The following WDPCP variants were observed in gnomAD, a reference collection of about 807,000 sequenced individuals.
WDPCP encodes WD repeat-containing and planar cell polarity effector protein fritz homolog.
A neutral mutation model predicts 93.1 loss-of-function variants in WDPCP; 71 were observed. That is an observed-to-expected ratio of 0.76 (90% confidence interval 0.63 to 0.93). WDPCP has a LOEUF of 0.93. Among genes scored for constraint, WDPCP ranks in the 40% least tolerant of loss-of-function variants. The pLI is 0.00. For missense variants in WDPCP, 844 were observed against 887.4 expected, an observed-to-expected ratio of 0.95 and a Z score of 0.62; for synonymous variants, 315 against 315.0, an observed-to-expected ratio of 1.00 and a Z score of 0.00.
intron 15 of WDPCP, among the ~76,000 whole-genome samples, chr2:63,174,020 AC>A (rs905008255): frequency 6.6e-6 from 1 of 152,124 alleles, no homozygotes; most frequent in African/African-American, 2.4e-5. Flanking sequence ...GTCTGTGGCC[AC>A]TTTTTTACTG....
chr2:63,204,777 G>T (rs1036220518), intron 14 of WDPCP, among the ~76,000 whole-genome samples: 1 of 151,860 alleles, frequency 6.6e-6, no homozygotes, highest in Non-Finnish European at 1.5e-5. Context: ...GGTAGTTTGC[G>T]GTATTTTCCC....
At chr2:63,715,127 T>C (rs1012878060) in intron 2 of WDPCP, among the ~76,000 whole-genome samples, 6 of 152,328 alleles carry the variant, frequency 3.9e-5, no homozygotes, top group African/African-American at 1.2e-4. Context: ...AGAAAGCAGA[T>C]AGATGGTTTC....
At chr2:63,555,381 T>A (rs918702057) in intron 1 of WDPCP, among the ~76,000 whole-genome samples, 3 of 142,266 alleles carry the variant, frequency 2.1e-5, no homozygotes, top group African/African-American at 8.1e-5. Context: ...GCAGCCATGA[T>A]CTCCGTAGAT....
Position 63,416,670 on chromosome 2 carries a change from C to T in WDPCP, c.826-12013G>A, listed in dbSNP as rs572243844. ...TCCCGAGTAGCTGGGATTACAGGTC[C>T]CCGCCACCACGTCCAGCTAATTTTT... is the stretch of plus-strand genomic sequence containing the variant. On this transcript the variant is annotated intron_variant, in intron 9 of 17. Coordinates refer to ENST00000272321, the MANE Select transcript of WDPCP (RefSeq NM_015910.7). Among the ~76,000 whole-genome samples, 16 of 151,974 alleles carry T rather than the reference C, an allele frequency of 1.1e-4. 1 individual carries two copies. In the South Asian group the frequency reaches 3.1e-3, roughly 30 times the overall value.
At chr2:63,259,437 T>C in intron 13 of WDPCP, 28 bp from the exon 14 acceptor site, 1 of 1,561,850 alleles carries the variant, frequency 6.4e-7, no homozygotes, top group South Asian at 1.1e-5. Flanking sequence ...AATAAAAGAT[T>C]GATTCAAAAT....
intron 4 of WDPCP, 82 bp from the exon 5 acceptor site, chr2:63,485,069 T>A: frequency 6.8e-7 from 1 of 1,477,136 alleles, no homozygotes; most frequent in Non-Finnish European, 9.4e-7. Context: ...TTAGGGAGAT[T>A]AAAATAAAAC....
chr2:63,198,470 A>G (rs1675631943), intron 14 of WDPCP, among the ~76,000 whole-genome samples: 2 of 152,182 alleles, frequency 1.3e-5, no homozygotes, highest in African/African-American at 4.8e-5. Flanking sequence ...TTATATGCAT[A>G]ATGTTAAATT....
At chr2:63,773,639 G>T (rs1191686189) in intron 2 of WDPCP, among the ~76,000 whole-genome samples, 2 of 152,004 alleles carry the variant, frequency 1.3e-5, no homozygotes, top group African/African-American at 4.8e-5. Flanking sequence ...AGATACTAAA[G>T]AAGAAATCTT....
intron 17 of WDPCP, among the ~76,000 whole-genome samples, chr2:63,123,283 T>A (rs1052142917): frequency 2.0e-5 from 3 of 152,148 alleles, no homozygotes; most frequent in Admixed American, 6.5e-5. Context: ...GAGTTAGGTT[T>A]TGGCCTTGTT....
At chr2:63,739,544 G>A (rs1271472894) in intron 2 of WDPCP, among the ~76,000 whole-genome samples, 2 of 152,116 alleles carry the variant, frequency 1.3e-5, no homozygotes, top group Non-Finnish European at 2.9e-5. Context: ...TATGTACCCA[G>A]TAATGGGATT....
At chr2:63,545,422 A>C (rs1705078762) in intron 1 of WDPCP, among the ~76,000 whole-genome samples, 1 of 152,006 alleles carries the variant, frequency 6.6e-6, no homozygotes. Context: ...GAGGGCTTCA[A>C]TCCAAATTGA....
chr2:63,680,895 A>G (rs973827617), intron 2 of WDPCP, among the ~76,000 whole-genome samples: 4 of 152,052 alleles, frequency 2.6e-5, no homozygotes, highest in African/African-American at 9.7e-5. Context: ...AGAGGCACCC[A>G]TTCCAGGCCC....
intron 3 of WDPCP, among the ~76,000 whole-genome samples, chr2:63,648,255 T>C (rs962774358): frequency 6.6e-6 from 1 of 152,176 alleles, no homozygotes; most frequent in African/African-American, 2.4e-5. Flanking sequence ...CTCCTCACTA[T>C]CTAGCCACTC....
At chr2:63,472,623 C>G (rs936367772) in intron 6 of WDPCP, among the ~76,000 whole-genome samples, 2 of 152,094 alleles carry the variant, frequency 1.3e-5, no homozygotes, top group Non-Finnish European at 2.9e-5. Flanking sequence ...GAGTCTCACT[C>G]TGTCTCCCAG....
At chr2:63,651,454 A>AACACACACACACACACAC (rs140128523) in intron 2 of WDPCP, among the ~76,000 whole-genome samples, 8 of 147,678 alleles carry the variant, frequency 5.4e-5, no homozygotes, top group African/African-American at 2.1e-4. Flanking sequence ...ATGTGTGTAC[A>AACACACACACACACACAC]ACACACACAC....
intron 15 of WDPCP, among the ~76,000 whole-genome samples, chr2:63,172,437 G>A (rs1029332464): frequency 1.3e-5 from 2 of 152,122 alleles, no homozygotes; most frequent in Non-Finnish European, 2.9e-5. Context: ...GAGCCTGGGA[G>A]GTCAAGGCTG....
At chr2:63,437,357 C>A in intron 8 of WDPCP, 64 bp downstream of exon 8, 1 of 1,284,052 alleles carries the variant, frequency 7.8e-7, no homozygotes, top group Non-Finnish European at 1.1e-6. Context: ...AGAATACCAA[C>A]TTATGTGATA....
chr2:63,825,494 G>A (rs765693504), intron 1 of WDPCP, among the ~76,000 whole-genome samples: 2 of 151,988 alleles, frequency 1.3e-5, no homozygotes, highest in African/African-American at 2.4e-5. Flanking sequence ...AAGAGTTCTA[G>A]GGATCAGCTG....
intron 1 of WDPCP, among the ~76,000 whole-genome samples, chr2:63,578,602 T>C (rs1708274296): frequency 6.6e-6 from 1 of 151,978 alleles, no homozygotes; most frequent in South Asian, 2.1e-4. Context: ...ACGGGAAACT[T>C]AGGAGGGGAA....
Sources: allele counts gnomAD v4.1 joint callset (sites outside exome capture counted in the v4.1 genomes callset), GRCh38; gene constraint gnomAD v4.1.1; transcripts MANE v1.5; gene names NCBI Gene and HGNC (gene_info 2026-07-23, HGNC 2026-07-21).